The following TMPRSS11F variants were observed in gnomAD, a reference collection of about 807,000 sequenced individuals.
TMPRSS11F encodes transmembrane protease serine 11F.
TMPRSS11F carries 47 observed loss-of-function variants against 60.2 expected under a neutral mutation model. The observed-to-expected ratio is 0.78, with a 90% CI of 0.62 to 1.00. TMPRSS11F has a LOEUF of 1.00. TMPRSS11F is among the 50% of genes least tolerant of loss of function. TMPRSS11F has a pLI of 0.00. For missense variants in TMPRSS11F, 519 were observed against 522.9 expected (o/e 0.99, Z 0.07); for synonymous variants, 166 against 167.3 (o/e 0.99, Z 0.06).
At chr4:68,117,467 CAAAAAAAA>C (rs55708045) in intron 1 of TMPRSS11F, among the ~76,000 whole-genome samples, 2 of 51,394 alleles carry the variant, frequency 3.9e-5, no homozygotes, top group Non-Finnish European at 6.1e-5. Flanking sequence ...GACTCTGTCT[CAAAAAAAA>C]AAAAAAAAAA....
intron 1 of TMPRSS11F, among the ~76,000 whole-genome samples, chr4:68,103,825 T>G (rs1401154389): frequency 6.6e-6 from 1 of 152,186 alleles, no homozygotes. Context: ...TGTCTTTATT[T>G]CTTTCGTATT....
intron 2 of TMPRSS11F, among the ~76,000 whole-genome samples, chr4:68,093,015 T>G (rs1723977161): frequency 6.6e-6 from 1 of 152,210 alleles, no homozygotes; most frequent in Non-Finnish European, 1.5e-5. Context: ...TGTCCTTATA[T>G]GCAGAGAACA....
intron 1 of TMPRSS11F, among the ~76,000 whole-genome samples, chr4:68,124,893 CTGTTGGAA>C (rs1019948260): frequency 1.4e-5 from 2 of 147,478 alleles, no homozygotes; most frequent in African/African-American, 5.0e-5. Context: ...CTTATCTTAC[CTGTTGGAA>C]TGTGTCTTCA....
At chr4:68,097,184 G>C (rs1724091340) in intron 2 of TMPRSS11F, among the ~76,000 whole-genome samples, 1 of 152,164 alleles carries the variant, frequency 6.6e-6, no homozygotes, top group Non-Finnish European at 1.5e-5. Context: ...GTTGTCTATT[G>C]CTGCTATAAC....
chr4:68,084,269 C>A (rs533453182), intron 3 of TMPRSS11F, among the ~76,000 whole-genome samples: 1 of 152,082 alleles, frequency 6.6e-6, no homozygotes, highest in Non-Finnish European at 1.5e-5. Context: ...ACAAAAATCT[C>A]CCCAATCTCA....
intron 3 of TMPRSS11F, among the ~76,000 whole-genome samples, chr4:68,077,969 A>G (rs1381200043): frequency 2.6e-5 from 4 of 152,064 alleles, no homozygotes; most frequent in Non-Finnish European, 2.9e-5. Flanking sequence ...GGCAGCCAGG[A>G]TGAGCACGTT....
At chr4:68,084,673 A>C (rs1341973253) in intron 3 of TMPRSS11F, among the ~76,000 whole-genome samples, 1 of 152,220 alleles carries the variant, frequency 6.6e-6, no homozygotes, top group African/African-American at 2.4e-5. Flanking sequence ...CTAAATGTCA[A>C]AATGAAGGAA....
intron 1 of TMPRSS11F, among the ~76,000 whole-genome samples, chr4:68,112,720 G>T (rs966134700): frequency 6.6e-6 from 1 of 152,078 alleles, no homozygotes; most frequent in Non-Finnish European, 1.5e-5. Flanking sequence ...TAACTCCAGT[G>T]TCTAGCACAG....
chr4:68,086,596 A>T (rs1723818934), intron 3 of TMPRSS11F, among the ~76,000 whole-genome samples: 1 of 152,128 alleles, frequency 6.6e-6, no homozygotes, highest in Non-Finnish European at 1.5e-5. Flanking sequence ...TTTTTGGTTT[A>T]TTGAAAGAAT....
At position 68,090,639 on chromosome 4, in the gene TMPRSS11F, C is replaced by A; in HGVS notation, c.166G>T (p.Asp56Tyr). 6.3e-7 allele frequency: 1 copy of A among 1,591,460 alleles called. No homozygotes were observed. Among genetic ancestry groups the A allele is most frequent in the South Asian group, 1.1e-5 (1 of 89,002 alleles). Reference protein sequence around the residue: ...GIVTHFVVEDDKSFYYLASFK... With the variant: ...GIVTHFVVEDYKSFYYLASFK... ...GAGGCAAGGTAATAGAAAGACTTAT[C>A]ATCTGAAAGGTAAAACAAACAAAAG... Residue 56 changes from aspartate to tyrosine, a missense_variant and splice_region_variant, in exon 3 of 10, where the codon GAT becomes TAT. Asp to Tyr is a radical substitution (Grantham distance 160). Coordinates refer to ENST00000356291, the MANE Select transcript of TMPRSS11F (RefSeq NM_207407.2).
chr4:68,086,107 C>A (rs1723805957), intron 3 of TMPRSS11F, among the ~76,000 whole-genome samples: 1 of 152,022 alleles, frequency 6.6e-6, no homozygotes, highest in African/African-American at 2.4e-5. Flanking sequence ...GAATATACTA[C>A]AAGATAAATC....
chr4:68,063,616 T>G (rs1270333432), intron 8 of TMPRSS11F, among the ~76,000 whole-genome samples: 1 of 152,116 alleles, frequency 6.6e-6, no homozygotes, highest in African/African-American at 2.4e-5. Context: ...CCTGACCTCA[T>G]GATCCGCCCG....
intron 1 of TMPRSS11F, among the ~76,000 whole-genome samples, chr4:68,107,154 T>C (rs1249185951): frequency 6.6e-6 from 1 of 152,226 alleles, no homozygotes; most frequent in African/African-American, 2.4e-5. Flanking sequence ...CTGCCAAGTA[T>C]AGTATTAATA....
chr4:68,080,982 TA>T (rs1723686751), intron 3 of TMPRSS11F: 2 of 152,238 alleles, frequency 1.3e-5, no homozygotes, highest in Admixed American at 6.5e-5. Context: ...TTAAATGTAA[TA>T]TTTTTTGTCT....
At chr4:68,070,982 TA>T (rs1234589538) in intron 5 of TMPRSS11F, among the ~76,000 whole-genome samples, 1 of 152,128 alleles carries the variant, frequency 6.6e-6, no homozygotes, top group African/African-American at 2.4e-5. Context: ...ACTTGTATCA[TA>T]AAAAATCATT....
At chr4:68,118,550 A>G (rs976392990) in intron 1 of TMPRSS11F, among the ~76,000 whole-genome samples, 1 of 152,210 alleles carries the variant, frequency 6.6e-6, no homozygotes, top group Admixed American at 6.5e-5. Flanking sequence ...ATTTCTAGCA[A>G]TTCTTTGATA....
At chr4:68,123,120 A>G (rs1409466100) in intron 1 of TMPRSS11F, among the ~76,000 whole-genome samples, 1 of 152,246 alleles carries the variant, frequency 6.6e-6, no homozygotes, top group East Asian at 1.9e-4. Context: ...TTTCGTTATA[A>G]GTAATGTTTC....
At chr4:68,072,048 A>G (rs950612327) in intron 5 of TMPRSS11F, among the ~76,000 whole-genome samples, 5 of 151,598 alleles carry the variant, frequency 3.3e-5, no homozygotes, top group Non-Finnish European at 5.9e-5. Flanking sequence ...TACCCTTTGG[A>G]ACTTTTGTAA....
intron 1 of TMPRSS11F, among the ~76,000 whole-genome samples, chr4:68,120,640 G>A (rs1174743174): frequency 6.6e-6 from 1 of 151,844 alleles, no homozygotes; most frequent in Non-Finnish European, 1.5e-5. Flanking sequence ...CGCCCGCCTC[G>A]GCCTCCCAAA....
Sources: allele counts gnomAD v4.1 joint callset (sites outside exome capture counted in the v4.1 genomes callset), GRCh38; gene constraint gnomAD v4.1.1; transcripts MANE v1.5; gene names NCBI Gene and HGNC (gene_info 2026-07-23, HGNC 2026-07-21).